CIRBP: variants seen among roughly 807,000 people sequenced by gnomAD.
The protein encoded by CIRBP is cold-inducible RNA-binding protein.
A neutral mutation model predicts 22.3 loss-of-function variants in CIRBP; 11 were observed. The ratio of observed to expected loss-of-function variants is 0.49; its 90% CI spans 0.31 to 0.82. CIRBP has a LOEUF of 0.82. Ranked by LOEUF, CIRBP falls within the 40% of genes least tolerant of loss-of-function variation. The probability of loss-of-function intolerance (pLI) is 0.05; values close to 1 mark genes in which losing one functional copy is unlikely to be tolerated. For missense variants in CIRBP, 456 were observed against 402.7 expected (o/e 1.13, Z -1.13); for synonymous variants, 216 against 158.8 (o/e 1.36, Z -2.71).
intron 1 of CIRBP, chr19:1,269,891 G>T: frequency 1.9e-6 from 1 of 519,884 alleles, no homozygotes; most frequent in Non-Finnish European, 3.8e-6. Flanking sequence ...GTAAATCTTG[G>T]GTAGGCGTGG....
In CIRBP at chr19:1,272,518, T is replaced by C. The variant is rs372941902; in HGVS notation, c.*75T>C. 33 of 1,256,024 alleles carry C rather than the reference T, an allele frequency of 2.6e-5. No homozygotes were observed. The highest frequency in any genetic ancestry group is 1.2e-4 in the East Asian group (5 of 42,664). The allele number at this position is 1,256,024 out of a possible 1,614,324, so 77.8% of individuals were successfully genotyped here. A position where few individuals can be genotyped will look rare whatever the true frequency, so the allele number is the denominator to read the frequency against. On this transcript the variant is annotated 3_prime_UTR_variant, in exon 6 of 6. Coordinates refer to ENST00000587896, the MANE Select transcript of CIRBP (RefSeq NM_001300829.2). ...TTGTGGGAGCTTCGCTGAACGTTAA[T>C]GTGTAGTAAATGCACCTCCTTGTAT...
Position 1,272,295 on chromosome 19 carries a change from G to T in CIRBP, c.746G>T (p.Arg249Leu), listed in dbSNP as rs751397471. ...AGQSARCMCG[R>L]RPASLGCGGW... is the part of the protein sequence containing the mutation. ...CAGTCAGCTAGGTGCATGTGTGGCC[G>T]CAGGCCAGCCTCCCTCGGCTGTGGG... The change falls in exon 6 of 6, where the codon CGC (arginine) becomes CTC (leucine). Residue 249 changes from arginine (R) to leucine (L), a missense_variant. Transcript: ENST00000587896. 6.2e-7 allele frequency: 1 copy of T among 1,613,178 alleles called. No individual in the cohort carries two copies. Among genetic ancestry groups the T allele is most frequent in the Non-Finnish European group, 8.5e-7 (1 of 1,179,786 alleles).
intron 1 of CIRBP, chr19:1,270,239 C>G (rs994516815): frequency 5.8e-5 from 23 of 395,816 alleles, no homozygotes; most frequent in Non-Finnish European, 9.8e-5. Context: ...CCAGCCCCCC[C>G]CCCAGTCTCA....
rs1286915584 is a variant in CIRBP at position 1,272,632 on chromosome 19, CT to C, written c.*194del. 1.1e-4 allele frequency: 51 copies of C among 480,386 alleles called. 1 individual carries two copies. The South Asian group carries it at 2.2e-3, about 21-fold the overall frequency. 29.8% of individuals were successfully genotyped at this position (480,386 alleles called of 1,614,324 possible). On this transcript the variant is annotated 3_prime_UTR_variant, in exon 6 of 6. Transcript: ENST00000587896. ...GGGATGGCCTCGTTACTAGACTTTT[CT>C]TTTTAAGGAAGTGCTGTTTTTTTTT...
intron 1 of CIRBP, 163 bp from the exon 2 acceptor site, chr19:1,270,765 C>G (rs1429757245): frequency 1.6e-6 from 1 of 628,254 alleles, no homozygotes; most frequent in Non-Finnish European, 2.8e-6. Context: ...TGCCCCCGAC[C>G]CCAAAAAAAT....
chr19:1,272,079 T>C lies in CIRBP; in HGVS notation c.530T>C (p.Leu177Pro). The C allele has an allele frequency of 1.2e-6, 2 of 1,614,116 alleles. No individual in the cohort carries two copies. The highest frequency in any genetic ancestry group is 1.7e-6 in the Non-Finnish European group (2 of 1,180,026). The part of the protein sequence containing the change: ...YGKSHSEGAT[L>P]LWPAVGARFT... Reference sequence around the variant, plus strand: ...AAGTCACACTCCGAGGGCGCCACGCTGCTGTGGCCTGCGGTGGGAGCTCGG... The same window carrying C: ...AAGTCACACTCCGAGGGCGCCACGCCGCTGTGGCCTGCGGTGGGAGCTCGG... Residue 177 changes from leucine to proline, a missense_variant, in exon 6 of 6, where the codon CTG (leucine) becomes CCG (proline). Physicochemically the swap from Leu to Pro is moderately conservative, Grantham distance 98. Transcript: ENST00000587896.
At chr19:1,271,070 G>C (rs749018869) in intron 2 of CIRBP, 34 bp downstream of exon 2, 3 of 1,611,162 alleles carry the variant, frequency 1.9e-6, no homozygotes, top group Middle Eastern at 1.7e-4. Context: ...GCCCTGGGCG[G>C]GGGGGCTTGT....
chr19:1,270,070 C>A, intron 1 of CIRBP: 1 of 519,896 alleles, frequency 1.9e-6, no homozygotes, highest in Non-Finnish European at 3.8e-6. Flanking sequence ...TGACCGCCCC[C>A]TTAAATAGCC....
Position 1,274,307 on chromosome 19 carries a change from G to A in CIRBP, c.*1864G>A. 1 of 401,364 alleles carries A rather than the reference G, an allele frequency of 2.5e-6. No individual in the cohort carries two copies. Among genetic ancestry groups the A allele is most frequent in the African/African-American group, 2.0e-5 (1 of 48,830 alleles). The allele number at this position is 401,364 out of a possible 1,614,324, so 24.9% of individuals were successfully genotyped here. On this transcript the variant is annotated 3_prime_UTR_variant, in exon 6 of 6. Coordinates refer to ENST00000587896, the MANE Select transcript of CIRBP (RefSeq NM_001300829.2). ...GAGTAACGCTGCTTTGCTTTGGCAG[G>A]TTGAAGGGGCCCGGCCAGGACTCGG...
At position 1,272,499 on chromosome 19, in the gene CIRBP, G is replaced by A; in HGVS notation, c.*56G>A. 7.2e-7 allele frequency: 1 copy of A among 1,386,196 alleles called. No individual in the cohort carries two copies. The highest frequency in any genetic ancestry group is 9.9e-7 in the Non-Finnish European group (1 of 1,015,054). The allele number at this position is 1,386,196 out of a possible 1,614,324, so 85.9% of individuals were successfully genotyped here. A position where few individuals can be genotyped will look rare whatever the true frequency, so the allele number is the denominator to read the frequency against. ...ATGGCTGTGTGTTTAAAGATTGTGGGAGCTTCGCTGAACGTTAATGTGTAG... is the reference window on the plus strand; with the variant it reads ...ATGGCTGTGTGTTTAAAGATTGTGGAAGCTTCGCTGAACGTTAATGTGTAG... On this transcript the variant is annotated 3_prime_UTR_variant, in exon 6 of 6. Transcript: ENST00000587896.
chr19:1,271,209 A>G lies in CIRBP; in HGVS notation c.173A>G (p.Asp58Gly), dbSNP rs750774537. 1 of 1,614,004 alleles carries G rather than the reference A, an allele frequency of 6.2e-7. No individual in the cohort carries two copies. Among genetic ancestry groups the G allele is most frequent in the East Asian group, 2.2e-5 (1 of 44,890 alleles). Reference protein sequence around the residue: ...GFGFVTFENIDDAKDAMMAMN... With the variant: ...GFGFVTFENIGDAKDAMMAMN... ...GGGTTTGTCACCTTTGAGAACATTG[A>G]CGACGCTAAGGATGCCATGATGGCC... Residue 58 changes from aspartate (D) to glycine (G), a missense_variant, in exon 3 of 6, where the codon GAC (aspartate) becomes GGC (glycine). Asp to Gly is a moderately conservative substitution (Grantham distance 94). Around this residue, in one of 2 missense-constraint regions of CIRBP, gnomAD observed 426 missense variants for 339.6 expected, o/e 1.25. Transcript: ENST00000587896.
Position 1,274,543 on chromosome 19 carries a change from C to T in CIRBP, c.*2100C>T, listed in dbSNP as rs1436844296. Reference sequence around the variant, plus strand: ...CTCTCCCGCACCTATGGCCCCATGGCGGGCGCCTTTCGGTGTGTGTTGGGT... The same window carrying T: ...CTCTCCCGCACCTATGGCCCCATGGTGGGCGCCTTTCGGTGTGTGTTGGGT... On this transcript the variant is annotated 3_prime_UTR_variant, in exon 6 of 6. Transcript: ENST00000587896. 3 of 369,630 alleles carry T rather than the reference C, an allele frequency of 8.1e-6. No homozygotes were observed. Among genetic ancestry groups the T allele is most frequent in the East Asian group, 3.8e-5 (1 of 26,056 alleles). The allele number at this position is 369,630 out of a possible 1,614,324, so 22.9% of individuals were successfully genotyped here.
rs1206292589 is a variant in CIRBP at position 1,274,663 on chromosome 19, G to A, written c.*2220G>A. ...CCTCCTTCCAGGAGGCGCTTCGCCA[G>A]TGAGGTGCGGGCTCAGGGCCTCGAG... On this transcript the variant is annotated 3_prime_UTR_variant, in exon 6 of 6. Coordinates refer to ENST00000587896, the MANE Select transcript of CIRBP (RefSeq NM_001300829.2). 4.7e-6 allele frequency: 1 copy of A among 210,570 alleles called. No homozygotes were observed. Among genetic ancestry groups the A allele is most frequent in the Non-Finnish European group, 9.4e-6 (1 of 106,618 alleles). 13.0% of individuals were successfully genotyped at this position (210,570 alleles called of 1,614,324 possible).
chr19:1,272,188 C>A lies in CIRBP; in HGVS notation c.639C>A (p.Ser213=). 1 of 1,597,618 alleles carries A rather than the reference C, an allele frequency of 6.3e-7. No individual in the cohort carries two copies. The highest frequency in any genetic ancestry group is 2.2e-5 in the East Asian group (1 of 44,486). ...CTTGCCCAGAAGAGGCGCATCTGTC[C>A]TCTCAGAGCCATTTCTATCGCAGGA... is the stretch of plus-strand genomic sequence containing the variant. ...HCACPEEAHL[S]SQSHFYRRTQ... Residue 213 remains serine (S), a synonymous_variant, in exon 6 of 6, where the codon TCC becomes TCA. Coordinates refer to ENST00000587896, the MANE Select transcript of CIRBP (RefSeq NM_001300829.2).
At position 1,271,994 on chromosome 19, in the gene CIRBP, G is replaced by A. The variant is rs1317123968; in HGVS notation, c.445G>A (p.Gly149Ser). 6.8e-6 allele frequency: 11 copies of A among 1,609,068 alleles called. No individual in the cohort carries two copies. The African/African-American group carries it at 1.3e-4, about 20-fold the overall frequency. ...TCTGTCTTGCAGCCGGAGTCAGAGT[G>A]GTGGCTACAGTGACCGGAGCTCGGG... ...RDYYSSRSQSGGYSDRSSGGS... is the reference protein window; with the variant it reads ...RDYYSSRSQSSGYSDRSSGGS... Residue 149 changes from glycine to serine, a missense_variant, in exon 6 of 6, where the codon GGT (glycine) becomes AGT (serine). By Grantham distance (56) the Gly-to-Ser change is moderately conservative. This residue lies in a region of CIRBP where 426 missense variants were observed against 339.6 expected (regional missense o/e 1.25). Coordinates refer to ENST00000587896, the MANE Select transcript of CIRBP (RefSeq NM_001300829.2).
Position 1,273,018 on chromosome 19 carries a change from CCT to C in CIRBP, c.*576_*577del, listed in dbSNP as rs1444968843. ...GCCCCACAGTAGACGTGCAGACGTCCCTGAGAGGTTCTTGAAGATGTTTATTT... is the reference window on the plus strand; with the variant it reads ...GCCCCACAGTAGACGTGCAGACGTCCGAGAGGTTCTTGAAGATGTTTATTT... On this transcript the variant is annotated 3_prime_UTR_variant, in exon 6 of 6. Transcript: ENST00000587896. The C allele has an allele frequency of 6.6e-6, 1 of 152,314 alleles. No homozygotes were observed. Among genetic ancestry groups the C allele is most frequent in the Non-Finnish European group, 1.5e-5 (1 of 68,164 alleles). The allele number at this position is 152,314 out of a possible 1,614,324, so 9.4% of individuals were successfully genotyped here.
chr19:1,270,694 G>A (rs1366269788), intron 1 of CIRBP, among the ~76,000 whole-genome samples: 2 of 152,138 alleles, frequency 1.3e-5, no homozygotes, highest in African/African-American at 4.8e-5. Flanking sequence ...GATTGCTTGA[G>A]CCCAGGAGGT....
At position 1,271,968 on chromosome 19, in the gene CIRBP, G is replaced by C; in HGVS notation, c.432-13G>C. ...GGGTACCTTCCGGTACTCAACGTTT[G>C]TCTGTCTTGCAGCCGGAGTCAGAGT... On this transcript the variant is annotated splice_polypyrimidine_tract_variant and intron_variant, in intron 5 of 5. Coordinates refer to ENST00000587896, the MANE Select transcript of CIRBP (RefSeq NM_001300829.2). 6.2e-7 allele frequency: 1 copy of C among 1,601,404 alleles called. No individual in the cohort carries two copies. Among genetic ancestry groups the C allele is most frequent in the Non-Finnish European group, 8.5e-7 (1 of 1,170,660 alleles).
intron 2 of CIRBP, 33 bp from the exon 3 acceptor site, chr19:1,271,107 G>C: frequency 1.2e-6 from 2 of 1,611,380 alleles, no homozygotes; most frequent in South Asian, 1.1e-5. Flanking sequence ...AGTACAGCTG[G>C]GTGCTGACTG....
Sources: gnomAD v4.1 joint callset for allele counts (sites outside exome capture counted in the v4.1 genomes callset) on GRCh38, gnomAD v4.1.1 for gene constraint, gnomAD v4.1.1 regional missense constraint, MANE v1.5 for transcripts, NCBI Gene and HGNC (gene_info 2026-07-23, HGNC 2026-07-21) for gene names.